Variants in SH3YL1 observed in about 807,000 individuals in gnomAD.
SH3YL1 encodes the protein SH3 and SYLF domain containing 1.
In SH3YL1, 41 loss-of-function variants were observed where a neutral mutation model predicts 45.8. The observed-to-expected ratio is 0.89, with a 90% CI of 0.70 to 1.16. The LOEUF is 1.16. Ranked by LOEUF, SH3YL1 falls within the 50% of genes most tolerant of loss-of-function variation. The pLI is 0.00. For missense variants in SH3YL1, 389 were observed against 409.6 expected, an observed-to-expected ratio of 0.95 and a Z score of 0.43; for synonymous variants, 152 against 151.4, an observed-to-expected ratio of 1.00 and a Z score of -0.03.
chr2:257,438 T>C (rs1045799862), intron 1 of SH3YL1, among the ~76,000 whole-genome samples: 3 of 152,206 alleles, frequency 2.0e-5, no homozygotes, highest in African/African-American at 7.2e-5. Flanking sequence ...TCCTTGTAGA[T>C]GAACTGCCAC....
chr2:220,940 C>A (rs1241823722), intron 9 of SH3YL1, among the ~76,000 whole-genome samples: 2 of 152,170 alleles, frequency 1.3e-5, no homozygotes, highest in African/African-American at 4.8e-5. Context: ...CACTTGCAGT[C>A]TCATTTATAA....
chr2:233,054 AT>A, intron 6 of SH3YL1, 46 bp downstream of exon 6: 1 of 1,486,932 alleles, frequency 6.7e-7, no homozygotes, highest in Non-Finnish European at 9.0e-7. Context: ...TTGAAGTACT[AT>A]TTTCTCATCA....
chr2:253,400 C>T (rs1002973759), intron 1 of SH3YL1, among the ~76,000 whole-genome samples: 6 of 152,106 alleles, frequency 3.9e-5, no homozygotes, highest in African/African-American at 1.4e-4. Context: ...CCAAATCCAC[C>T]AAAACCAAGA....
intron 9 of SH3YL1, among the ~76,000 whole-genome samples, chr2:219,607 T>G (rs1374864421): frequency 6.6e-6 from 1 of 152,126 alleles, no homozygotes; most frequent in Non-Finnish European, 1.5e-5. Flanking sequence ...CTGCCCAGAC[T>G]ATGGTGTTTT....
intron 8 of SH3YL1, among the ~76,000 whole-genome samples, chr2:229,728 CAAA>C (rs397709071): frequency 3.2e-5 from 3 of 93,364 alleles, no homozygotes; most frequent in Non-Finnish European, 4.0e-5. Flanking sequence ...GACTCCGTCT[CAAA>C]AAAAAAAAAA....
intron 8 of SH3YL1, among the ~76,000 whole-genome samples, chr2:228,505 C>T (rs300755): frequency 0.91 from 139,043 of 152,260 alleles, 63,610 homozygotes; most frequent in African/African-American, 0.97. Context: ...GAGAGGATTT[C>T]ATACATGCAT....
At chr2:255,823 G>A (rs564905168) in intron 1 of SH3YL1, 9 of 152,208 alleles carry the variant, frequency 5.9e-5, no homozygotes, top group African/African-American at 1.9e-4. Context: ...TGTGCATGAT[G>A]CATGTGTGTA....
At chr2:247,655 T>A (rs1240422942) in intron 3 of SH3YL1, 53 bp from the exon 4 acceptor site, 3 of 1,392,330 alleles carry the variant, frequency 2.2e-6, no homozygotes, top group Non-Finnish European at 3.0e-6. Context: ...CCTCGACATG[T>A]AAATATAGGA....
chr2:218,253 T>A lies in SH3YL1; in HGVS notation c.*558A>T, dbSNP rs1036789464. 1 of 152,216 alleles carries A rather than the reference T, an allele frequency of 6.6e-6. No individual in the cohort carries two copies. The highest frequency in any genetic ancestry group is 1.9e-4 in the East Asian group (1 of 5,204). The allele number at this position is 152,216 out of a possible 1,614,324, so 9.4% of individuals were successfully genotyped here. On this transcript the variant is annotated 3_prime_UTR_variant, in exon 10 of 10. Coordinates refer to ENST00000356150, the MANE Select transcript of SH3YL1 (RefSeq NM_015677.4). ...AATGTAGCCCCATAAGGAAGAAAAG[T>A]TGAGAGATGCCATATGTTTAAAGAC... is the stretch of plus-strand genomic sequence containing the variant.
chr2:236,717 C>T (rs1668320294), intron 4 of SH3YL1, among the ~76,000 whole-genome samples: 1 of 152,148 alleles, frequency 6.6e-6, no homozygotes, highest in South Asian at 2.1e-4. Context: ...CTTCATTATA[C>T]AGTTATTCAC....
intron 1 of SH3YL1, among the ~76,000 whole-genome samples, chr2:253,630 T>C (rs1572177130): frequency 6.6e-6 from 1 of 152,330 alleles, no homozygotes; most frequent in East Asian, 1.9e-4. Context: ...ACTCCGTGTT[T>C]AGCATATAAT....
chr2:242,561 T>A (rs1197966776), intron 4 of SH3YL1, among the ~76,000 whole-genome samples: 1 of 152,068 alleles, frequency 6.6e-6, no homozygotes, highest in Non-Finnish European at 1.5e-5. Flanking sequence ...GTACAAAATG[T>A]TCACTTAATT....
Position 243,344 on chromosome 2 carries a change from T to C in SH3YL1, c.291+4194A>G, listed in dbSNP as rs372027606. Reference sequence around the variant, plus strand: ...TACAAAATGTTTTCTTTGACCCCAATGGAATGAAATTTGAAATCAAGGACA... The same window carrying C: ...TACAAAATGTTTTCTTTGACCCCAACGGAATGAAATTTGAAATCAAGGACA... On this transcript the variant is annotated intron_variant, in intron 4 of 9. Transcript: ENST00000356150. Among the ~76,000 whole-genome samples, 10 of 152,242 alleles carry C rather than the reference T, an allele frequency of 6.6e-5. No homozygotes were observed. In the East Asian group the frequency reaches 1.7e-3, roughly 26 times the overall value.
intron 4 of SH3YL1, among the ~76,000 whole-genome samples, chr2:235,342 TGGG>T (rs1438155648): frequency 6.6e-6 from 1 of 151,426 alleles, no homozygotes; most frequent in Non-Finnish European, 1.5e-5. Context: ...AGAGGCAGCA[TGGG>T]TCAGGGGAGG....
intron 7 of SH3YL1, 117 bp from the exon 8 acceptor site, chr2:230,161 TG>T (rs1178539937): frequency 4.5e-6 from 3 of 672,900 alleles, no homozygotes; most frequent in Non-Finnish European, 7.6e-6. Context: ...TGCTTATTAA[TG>T]TGGCACTCTC....
At chr2:246,826 A>G (rs1415913696) in intron 4 of SH3YL1, among the ~76,000 whole-genome samples, 1 of 152,214 alleles carries the variant, frequency 6.6e-6, no homozygotes, top group African/African-American at 2.4e-5. Context: ...AGAGTTAGAA[A>G]TACTTCCTCC....
At chr2:231,349 T>C (rs1457137767) in intron 6 of SH3YL1, among the ~76,000 whole-genome samples, 158 bp from the exon 7 acceptor site, 1 of 152,210 alleles carries the variant, frequency 6.6e-6, no homozygotes, top group African/African-American at 2.4e-5. Context: ...CAATATCCCA[T>C]GTTCAAGTCT....
chr2:219,017 A>G lies in SH3YL1; in HGVS notation c.839-16T>C. The G allele has an allele frequency of 4.4e-6, 7 of 1,599,460 alleles. No individual in the cohort carries two copies. Among genetic ancestry groups the G allele is most frequent in the Non-Finnish European group, 6.0e-6 (7 of 1,172,520 alleles). ...TTCAAATTGCCTGAAACAAGAAAAA[A>G]GTATTCACGTTTATGTTCTTTAAGG... On this transcript the variant is annotated splice_polypyrimidine_tract_variant and intron_variant, in intron 9 of 9. Coordinates refer to ENST00000356150, the MANE Select transcript of SH3YL1 (RefSeq NM_015677.4).
chr2:238,963 T>G (rs1255199300), intron 4 of SH3YL1, among the ~76,000 whole-genome samples: 1 of 152,198 alleles, frequency 6.6e-6, no homozygotes, highest in Non-Finnish European at 1.5e-5. Context: ...AGGTTGAGAT[T>G]GTCGAACATA....
Sources: gnomAD v4.1 joint callset for allele counts (sites outside exome capture counted in the v4.1 genomes callset) on GRCh38, gnomAD v4.1.1 for gene constraint, MANE v1.5 for transcripts, NCBI Gene and HGNC (gene_info 2026-07-23, HGNC 2026-07-21) for gene names.